The following ELOVL7 variants were observed in gnomAD, a reference collection of about 807,000 sequenced individuals.
The protein encoded by ELOVL7 is very long chain fatty acid elongase 7.
Under a neutral mutation model 35.7 loss-of-function variants are expected in ELOVL7, and 27 were observed. That is an observed-to-expected ratio of 0.76 (90% CI 0.56 to 1.04). The LOEUF (loss-of-function observed/expected upper bound fraction) is 1.04, where lower values mean the gene tolerates loss of function less well. Among genes scored for constraint, ELOVL7 ranks in the 50% least tolerant of loss-of-function variants. The probability of loss-of-function intolerance (pLI) is 0.00; values close to 1 mark genes in which losing one functional copy is unlikely to be tolerated. For synonymous variants in ELOVL7, 113 were observed against 114.6 expected (o/e 0.99, Z 0.09); for missense variants, 327 against 340.8 (o/e 0.96, Z 0.32).
chr5:60,757,451 T>A, intron 8 of ELOVL7, 58 bp downstream of exon 8: 4 of 1,547,638 alleles, frequency 2.6e-6, no homozygotes, highest in Non-Finnish European at 3.5e-6. Flanking sequence ...TAATTCACAG[T>A]GAAAACAAGT....
intron 3 of ELOVL7, among the ~76,000 whole-genome samples, chr5:60,772,988 T>G (rs1742689673): frequency 6.6e-6 from 1 of 152,212 alleles, no homozygotes; most frequent in African/African-American, 2.4e-5. Context: ...GTATGGGATT[T>G]TGGAGTCCAT....
intron 7 of ELOVL7, 62 bp downstream of exon 7, chr5:60,764,164 AT>A: frequency 9.5e-7 from 1 of 1,051,166 alleles, no homozygotes; most frequent in Non-Finnish European, 1.4e-6. Context: ...TTAGAAAAAT[AT>A]TTTGTTTTTA....
chr5:60,790,983 G>T (rs146503418), intron 2 of ELOVL7, among the ~76,000 whole-genome samples: 2,013 of 151,892 alleles, frequency 0.013, 28 homozygotes, highest in South Asian at 0.041. Context: ...TTTTTGGTTT[G>T]GTTTTGTTTT....
intron 7 of ELOVL7, 141 bp downstream of exon 7, chr5:60,764,086 A>G: frequency 7.5e-6 from 5 of 666,792 alleles, no homozygotes; most frequent in Middle Eastern, 2.6e-4. Flanking sequence ...TTTTTCAAGT[A>G]ATAATTAATG....
chr5:60,835,254 A>G (rs1746725425), intron 1 of ELOVL7, among the ~76,000 whole-genome samples: 1 of 151,722 alleles, frequency 6.6e-6, no homozygotes, highest in Non-Finnish European at 1.5e-5. Context: ...CTCCTCACCA[A>G]TATTTTTCTG....
intron 1 of ELOVL7, among the ~76,000 whole-genome samples, chr5:60,834,132 A>C (rs1746643198): frequency 1.3e-5 from 2 of 152,106 alleles, no homozygotes; most frequent in Admixed American, 1.3e-4. Flanking sequence ...TAAGTTCTAC[A>C]TATTGGTTCA....
intron 1 of ELOVL7, among the ~76,000 whole-genome samples, chr5:60,830,423 G>A (rs866940337): frequency 1.4e-4 from 22 of 152,244 alleles, no homozygotes; most frequent in Middle Eastern, 6.8e-3. Flanking sequence ...TAGGATACTG[G>A]GGAGGATGTG....
chr5:60,811,936 C>A (rs1561460800), intron 1 of ELOVL7, among the ~76,000 whole-genome samples: 1 of 152,124 alleles, frequency 6.6e-6, no homozygotes, highest in South Asian at 2.1e-4. Flanking sequence ...AAATATAATT[C>A]CAGGTACAGT....
At chr5:60,828,440 T>A (rs1746299766) in intron 1 of ELOVL7, among the ~76,000 whole-genome samples, 1 of 152,184 alleles carries the variant, frequency 6.6e-6, no homozygotes, top group Non-Finnish European at 1.5e-5. Flanking sequence ...TAACAAAACA[T>A]ATACCTAACA....
chr5:60,757,493 A>G lies in ELOVL7; in HGVS notation c.636+16T>C. ...AGCTGCTTCATATATGGTTTTAAAG[A>G]CAATTAATTACTCACAAGCTGTAAT... On this transcript the variant is annotated intron_variant, in intron 8 of 8. Transcript: ENST00000508821. The G allele has an allele frequency of 6.2e-7, 1 of 1,612,034 alleles. No individual in the cohort carries two copies. Among genetic ancestry groups the G allele is most frequent in the Non-Finnish European group, 8.5e-7 (1 of 1,178,870 alleles).
chr5:60,805,726 C>G (rs1327614962), intron 1 of ELOVL7, among the ~76,000 whole-genome samples: 1 of 152,196 alleles, frequency 6.6e-6, no homozygotes, highest in Non-Finnish European at 1.5e-5. Context: ...TTCAGCCAGT[C>G]AGGGCTAGGT....
At chr5:60,758,803 T>C (rs1741704595) in intron 7 of ELOVL7, among the ~76,000 whole-genome samples, 1 of 152,218 alleles carries the variant, frequency 6.6e-6, no homozygotes, top group African/African-American at 2.4e-5. Context: ...TCTTTATGTA[T>C]AGCCTGACTC....
intron 3 of ELOVL7, among the ~76,000 whole-genome samples, chr5:60,773,966 T>C (rs1482425311): frequency 1.3e-5 from 2 of 152,272 alleles, no homozygotes; most frequent in African/African-American, 4.8e-5. Flanking sequence ...TTTTGTAGAA[T>C]GTTATTTAAC....
chr5:60,829,683 T>G (rs1746371453), intron 1 of ELOVL7, among the ~76,000 whole-genome samples: 1 of 152,222 alleles, frequency 6.6e-6, no homozygotes, highest in African/African-American at 2.4e-5. Context: ...GGTAAGATTT[T>G]GGTCTCATTC....
intron 1 of ELOVL7, among the ~76,000 whole-genome samples, chr5:60,820,033 A>G (rs1242110836): frequency 6.6e-6 from 1 of 152,194 alleles, no homozygotes; most frequent in Non-Finnish European, 1.5e-5. Context: ...AAGAAGGAGG[A>G]TTTGAAGCAT....
intron 7 of ELOVL7, among the ~76,000 whole-genome samples, chr5:60,762,266 T>C (rs1741968270): frequency 7.9e-6 from 1 of 126,920 alleles, no homozygotes. Context: ...ACCACTGCAC[T>C]CCACCCTGGA....
intron 1 of ELOVL7, among the ~76,000 whole-genome samples, chr5:60,800,977 G>A (rs1744575115): frequency 6.6e-6 from 1 of 152,198 alleles, no homozygotes; most frequent in African/African-American, 2.4e-5. Flanking sequence ...ACCAAGGCTA[G>A]AGTGCAGTGG....
chr5:60,817,588 T>C (rs1172597345), intron 1 of ELOVL7, among the ~76,000 whole-genome samples: 1 of 147,510 alleles, frequency 6.8e-6, no homozygotes, highest in Non-Finnish European at 1.5e-5. Flanking sequence ...TATATATATG[T>C]ATATATATTA....
chr5:60,764,515 A>T (rs577570258), intron 6 of ELOVL7, among the ~76,000 whole-genome samples, 183 bp from the exon 7 acceptor site: 1 of 152,324 alleles, frequency 6.6e-6, no homozygotes, highest in Admixed American at 6.5e-5. Flanking sequence ...AATTATTATG[A>T]AGTAACTTAG....
Sources: allele counts gnomAD v4.1 joint callset (sites outside exome capture counted in the v4.1 genomes callset), GRCh38; gene constraint gnomAD v4.1.1; transcripts MANE v1.5; gene names NCBI Gene and HGNC (gene_info 2026-07-23, HGNC 2026-07-21).